The following C8A variants were observed in gnomAD, a reference collection of about 807,000 sequenced individuals.
C8A encodes the protein complement C8 alpha chain.
A neutral mutation model predicts 65.3 loss-of-function variants in C8A; 67 were observed. That is an observed-to-expected ratio of 1.03 (90% CI 0.84 to 1.26). C8A has a LOEUF of 1.26. Among genes scored for constraint, C8A ranks in the 50% most tolerant of loss-of-function variants. The probability of loss-of-function intolerance (pLI) is 0.00; values close to 1 mark genes in which losing one functional copy is unlikely to be tolerated. For missense variants in C8A, 781 were observed against 723.9 expected (o/e 1.08, Z -0.90); for synonymous variants, 290 against 259.4 (o/e 1.12, Z -1.13).
rs1162667082 is a variant in C8A, at chr1:56,886,001, G to A, written c.930G>A (p.Leu310=). 1 of 1,614,020 alleles carries A rather than the reference G, an allele frequency of 6.2e-7. No homozygotes were observed. The highest frequency in any genetic ancestry group is 1.7e-5 in the Admixed American group (1 of 59,996). The change falls in exon 7 of 11, where the codon CTG becomes CTA. Residue 310 remains leucine, a synonymous_variant. Coordinates refer to ENST00000361249, the MANE Select transcript of C8A (RefSeq NM_000562.3). ...HFKMRKDDIM[L]DEGMLQSLME... is the part of the protein sequence containing the mutation. ...AGATGAGGAAGGATGACATTATGCT[G>A]GATGAAGGAATGCTGCAGTCATTAA...
intron 6 of C8A, among the ~76,000 whole-genome samples, chr1:56,885,273 A>AATAT (rs1359817682): frequency 7.6e-6 from 1 of 131,590 alleles, no homozygotes; most frequent in African/African-American, 3.3e-5. Flanking sequence ...TTTATATATA[A>AATAT]ATATATATTT....
In C8A at chr1:56,913,053, T is replaced by C. The variant is rs1024990452; in HGVS notation, c.1603+428T>C. On this transcript the variant is annotated intron_variant, in intron 10 of 10. Coordinates refer to ENST00000361249, the MANE Select transcript of C8A (RefSeq NM_000562.3). ...GAGTATGTGGTTCAAGTCCCTCTCC[T>C]ATCTTTTGGTAGTTGTCAGCAATCC... is the stretch of plus-strand genomic sequence containing the variant. 3.3e-5 allele frequency among the ~76,000 whole-genome samples: 5 copies of C among 152,184 alleles called. No individual in the cohort carries two copies. In the South Asian group the frequency reaches 6.2e-4, roughly 19 times the overall value.
At chr1:56,874,736 T>C (rs968887679) in intron 2 of C8A, among the ~76,000 whole-genome samples, 2 of 152,208 alleles carry the variant, frequency 1.3e-5, no homozygotes, top group Non-Finnish European at 2.9e-5. Context: ...ATTTGATGCT[T>C]GGAGGCCCTA....
intron 4 of C8A, among the ~76,000 whole-genome samples, chr1:56,878,391 T>G (rs1477463819): frequency 6.6e-6 from 1 of 152,204 alleles, no homozygotes; most frequent in Non-Finnish European, 1.5e-5. Flanking sequence ...ACAATAGAAG[T>G]GTGAAATATT....
intron 1 of C8A, 129 bp from the exon 2 acceptor site, chr1:56,867,480 G>A (rs1644101822): frequency 1.4e-6 from 1 of 719,418 alleles, no homozygotes; most frequent in African/African-American, 1.7e-5. Context: ...ACATAAAGTA[G>A]GAGTACAATA....
intron 2 of C8A, among the ~76,000 whole-genome samples, chr1:56,869,761 G>GT (rs1257273714): frequency 1.4e-4 from 21 of 152,268 alleles, no homozygotes; most frequent in Non-Finnish European, 2.6e-4. Context: ...AATGCCAGCT[G>GT]TTTTTTAATA....
Position 56,872,943 on chromosome 1 carries a change from G to C in C8A, c.172-2006G>C, listed in dbSNP as rs116121438. Reference sequence around the variant, plus strand: ...AAAATTGGCTCTACATTTCTATGCTGATCACTCCTTTATTTGCTGTGCTGA... The same window carrying C: ...AAAATTGGCTCTACATTTCTATGCTCATCACTCCTTTATTTGCTGTGCTGA... On this transcript the variant is annotated intron_variant, in intron 2 of 10. Coordinates refer to ENST00000361249, the MANE Select transcript of C8A (RefSeq NM_000562.3). 4.3e-3 allele frequency among the ~76,000 whole-genome samples: 654 copies of C among 152,188 alleles called. 5 individuals carry two copies. The highest frequency in any genetic ancestry group is 0.015 in the African/African-American group (639 of 41,554).
intron 7 of C8A, among the ~76,000 whole-genome samples, chr1:56,897,466 G>C (rs912674017): frequency 6.6e-6 from 1 of 152,130 alleles, no homozygotes; most frequent in Non-Finnish European, 1.5e-5. Context: ...CACAAGATGC[G>C]GGCTCAGCCA....
chr1:56,897,211 A>G (rs1644393297), intron 7 of C8A, among the ~76,000 whole-genome samples: 1 of 152,222 alleles, frequency 6.6e-6, no homozygotes, highest in African/African-American at 2.4e-5. Flanking sequence ...TGTAATGTTG[A>G]GTCAGTTTGA....
intron 2 of C8A, among the ~76,000 whole-genome samples, chr1:56,869,292 A>G (rs1287830952): frequency 2.0e-5 from 3 of 152,212 alleles, no homozygotes; most frequent in African/African-American, 7.2e-5. Context: ...TTCCTGAGTT[A>G]CTTCACTTAC....
chr1:56,857,081 C>T (rs938595086), intron 1 of C8A, among the ~76,000 whole-genome samples: 18 of 151,920 alleles, frequency 1.2e-4, no homozygotes, highest in African/African-American at 4.3e-4. Flanking sequence ...GTGTGATCAA[C>T]CTTAGTGAAT....
Position 56,906,795 on chromosome 1 carries a change from A to G in C8A, c.1222+3A>G. ...AAAATTTGGAGGTGGCAAAACTGGCAAGTGTTTAGTAATAGATCTCCCAAA... is the reference window on the plus strand; with the variant it reads ...AAAATTTGGAGGTGGCAAAACTGGCGAGTGTTTAGTAATAGATCTCCCAAA... On this transcript the variant is annotated splice_donor_region_variant and intron_variant, in intron 8 of 10. Coordinates refer to ENST00000361249, the MANE Select transcript of C8A (RefSeq NM_000562.3). 6.2e-7 allele frequency: 1 copy of G among 1,614,068 alleles called. No homozygotes were observed. The highest frequency in any genetic ancestry group is 1.7e-5 in the Admixed American group (1 of 60,026).
intron 7 of C8A, among the ~76,000 whole-genome samples, chr1:56,903,773 G>C (rs186959232): frequency 1.3e-5 from 2 of 152,318 alleles, no homozygotes; most frequent in Admixed American, 1.3e-4. Context: ...AATCATCTGG[G>C]ATACTTGTCT....
chr1:56,858,250 C>A (rs1222360803), intron 1 of C8A, among the ~76,000 whole-genome samples: 2 of 152,106 alleles, frequency 1.3e-5, no homozygotes, highest in African/African-American at 4.8e-5. Flanking sequence ...TTAATCCACT[C>A]ATGTTGCAGA....
At chr1:56,880,717 T>TA (rs1434030919) in intron 4 of C8A, among the ~76,000 whole-genome samples, 2 of 152,180 alleles carry the variant, frequency 1.3e-5, no homozygotes, top group African/African-American at 2.4e-5. Context: ...TTATACTTAA[T>TA]ACTAACAATT....
At position 56,912,741 on chromosome 1, in the gene C8A, A is replaced by T. The variant is rs984117080; in HGVS notation, c.1603+116A>T. ...TTTGGAGCTCTCCTAGCCAATACCT[A>T]GGAGCCACCCTTGAGAGTTCTGTTA... is the stretch of plus-strand genomic sequence containing the variant. On this transcript the variant is annotated intron_variant, in intron 10 of 10. Coordinates refer to ENST00000361249, the MANE Select transcript of C8A (RefSeq NM_000562.3). The T allele has an allele frequency of 7.2e-6, 6 of 830,906 alleles. No homozygotes were observed. In the African/African-American group the frequency reaches 1.0e-4, roughly 14 times the overall value. 51.5% of individuals were successfully genotyped at this position (830,906 alleles called of 1,614,324 possible).
intron 4 of C8A, 96 bp from the exon 5 acceptor site, chr1:56,881,349 C>A (rs1022108024): frequency 2.5e-6 from 3 of 1,218,148 alleles, no homozygotes; most frequent in Non-Finnish European, 3.7e-6. Context: ...CATAGGTAAA[C>A]GTGTGCCATG....
At chr1:56,882,079 T>C (rs970260689) in intron 5 of C8A, among the ~76,000 whole-genome samples, 2 of 152,186 alleles carry the variant, frequency 1.3e-5, no homozygotes, top group African/African-American at 4.8e-5. Flanking sequence ...CAGCTCACAC[T>C]GATCATTTTC....
At chr1:56,855,063 G>T in intron 1 of C8A, 85 bp downstream of exon 1, 1 of 1,014,644 alleles carries the variant, frequency 9.9e-7, no homozygotes, top group Non-Finnish European at 1.6e-6. Flanking sequence ...TGCAGCAGAG[G>T]CTGTGTTAGA....
Sources: gnomAD v4.1 joint callset for allele counts (sites outside exome capture counted in the v4.1 genomes callset) on GRCh38, gnomAD v4.1.1 for gene constraint, MANE v1.5 for transcripts, NCBI Gene and HGNC (gene_info 2026-07-23, HGNC 2026-07-21) for gene names.